Variants in GPHN observed in about 807,000 individuals in gnomAD.
The protein encoded by GPHN is gephyrin.
A neutral mutation model predicts 95.5 loss-of-function variants in GPHN; 17 were observed. That is an observed-to-expected ratio of 0.18 (90% CI 0.12 to 0.27). The LOEUF (loss-of-function observed/expected upper bound fraction) is 0.27, where lower values mean the gene tolerates loss of function less well. Among genes scored for constraint, GPHN ranks in the 10% least tolerant of loss-of-function variants. The pLI, the probability that GPHN is intolerant of heterozygous loss-of-function variation, is 1.00. For missense variants in GPHN, 660 were observed against 978.1 expected (o/e 0.67, Z 4.34); for synonymous variants, 320 against 322.5 (o/e 0.99, Z 0.08).
chr14:66,778,896 C>T (rs975652848), intron 3 of GPHN, among the ~76,000 whole-genome samples: 1 of 151,572 alleles, frequency 6.6e-6, no homozygotes, highest in Non-Finnish European at 1.5e-5. Context: ...ACACCACACC[C>T]AGCTAATTTT....
At position 66,694,725 on chromosome 14, in the gene GPHN, A is replaced by C. The variant is rs757639556; in HGVS notation, c.143+13540A>C. 3.1e-4 allele frequency among the ~76,000 whole-genome samples: 47 copies of C among 152,352 alleles called. 1 individual carries two copies. Among genetic ancestry groups the C allele is most frequent in the Admixed American group, 2.5e-3 (39 of 15,300 alleles). On this transcript the variant is annotated intron_variant, in intron 2 of 22. Transcript: ENST00000478722. The stretch of plus-strand genomic sequence containing the variant: ...ATATTGGTAAGCTGGGCTTCATTAA[A>C]AACTCTGCTCTACAAACACAATGCC...
chr14:67,145,193 T>C (rs574122667), intron 18 of GPHN, among the ~76,000 whole-genome samples: 2 of 152,370 alleles, frequency 1.3e-5, no homozygotes, highest in South Asian at 4.1e-4. Flanking sequence ...TTGTGTCTTG[T>C]TATAATTTCT....
Position 66,785,575 on chromosome 14 carries a change from C to G in GPHN, c.201+9054C>G, listed in dbSNP as rs577759139. Among the ~76,000 whole-genome samples the G allele has an allele frequency of 2.0e-5, 3 of 150,880 alleles. No individual in the cohort carries two copies. In the South Asian group the frequency reaches 6.3e-4, roughly 32 times the overall value. ...ACAGAATGCTCCACCAAAAATTAAA[C>G]AACACACATTTTTTTTCAAGCACAC... On this transcript the variant is annotated intron_variant, in intron 3 of 22. Coordinates refer to ENST00000478722, the MANE Select transcript of GPHN (RefSeq NM_020806.5).
chr14:66,818,630 T>C (rs1280877486), intron 3 of GPHN, among the ~76,000 whole-genome samples: 2 of 152,110 alleles, frequency 1.3e-5, no homozygotes, highest in East Asian at 3.9e-4. Context: ...TAATGGGATT[T>C]CTGGGTCGAA....
At chr14:67,007,534 C>T (rs541684816) in intron 9 of GPHN, among the ~76,000 whole-genome samples, 2 of 152,294 alleles carry the variant, frequency 1.3e-5, no homozygotes, top group South Asian at 4.1e-4. Flanking sequence ...TTCAAGAGTT[C>T]AAAGGGAAAG....
the GPHN span, chr14:67,292,592 T>G: frequency 6.2e-7 from 1 of 1,613,626 alleles, no homozygotes; most frequent in Non-Finnish European, 8.5e-7. Context: ...ATTTCACTGC[T>G]TTTACAACTT....
intron 6 of GPHN, among the ~76,000 whole-genome samples, chr14:66,917,254 C>A (rs538805408): frequency 6.6e-6 from 1 of 152,136 alleles, no homozygotes; most frequent in African/African-American, 2.4e-5. Context: ...GATACTGGCA[C>A]GTTCTTAGAG....
chr14:67,103,888 T>G (rs1202981101), intron 13 of GPHN, among the ~76,000 whole-genome samples: 1 of 152,148 alleles, frequency 6.6e-6, no homozygotes, highest in Non-Finnish European at 1.5e-5. Flanking sequence ...TTGTTCTGGC[T>G]GGGACTTCCA....
chr14:67,011,233 C>A lies in GPHN; in HGVS notation c.964-12400C>A, dbSNP rs142745677. Among the ~76,000 whole-genome samples, 96 of 151,974 alleles carry A rather than the reference C, an allele frequency of 6.3e-4. 2 individuals are homozygous for A. In the East Asian group the frequency reaches 0.018, roughly 29 times the overall value. On this transcript the variant is annotated intron_variant, in intron 9 of 22. Transcript: ENST00000478722. The stretch of plus-strand genomic sequence containing the variant: ...TTTTTAGGAAACTGAACAATTGTGA[C>A]AAAGCTCAAATTTCCTTTGCATAGA...
At chr14:67,438,415 G>C in the GPHN span, among the ~76,000 whole-genome samples, 2 of 152,186 alleles carry the variant, frequency 1.3e-5, no homozygotes, top group Non-Finnish European at 2.9e-5. Context: ...TTTCTTTATG[G>C]GGTTAGAGGT....
rs563855849 is a variant in GPHN, at chr14:66,851,397, G to C, written c.294+26831G>C. ...CCCTCTGTCACCCAGACTGGAGTTA[G>C]AATTACTTTTGTGTTTTACCGAACT... is the stretch of plus-strand genomic sequence containing the variant. On this transcript the variant is annotated intron_variant, in intron 4 of 22. Coordinates refer to ENST00000478722, the MANE Select transcript of GPHN (RefSeq NM_020806.5). Among the ~76,000 whole-genome samples, 14 of 151,964 alleles carry C rather than the reference G, an allele frequency of 9.2e-5. No homozygotes were observed. The East Asian group carries it at 2.7e-3, about 29-fold the overall frequency.
chr14:67,368,062 T>A, the GPHN span, among the ~76,000 whole-genome samples: 13 of 152,252 alleles, frequency 8.5e-5, no homozygotes, highest in African/African-American at 3.1e-4. Flanking sequence ...TTACTACTTA[T>A]ATTGCCTGAG....
the GPHN span, chr14:67,383,504 G>A: frequency 6.3e-7 from 1 of 1,597,240 alleles, no homozygotes; most frequent in Non-Finnish European, 8.5e-7. Flanking sequence ...GTAAATCCTA[G>A]ACTTGAAAGT....
At chr14:66,659,485 T>C (rs2065508660) in intron 1 of GPHN, among the ~76,000 whole-genome samples, 1 of 152,124 alleles carries the variant, frequency 6.6e-6, no homozygotes, top group African/African-American at 2.4e-5. Flanking sequence ...CTTTGTTGAT[T>C]ATATAACTAG....
chr14:66,912,898 G>T (rs143764387), intron 5 of GPHN, among the ~76,000 whole-genome samples: 87 of 152,268 alleles, frequency 5.7e-4, no homozygotes, highest in African/African-American at 2.0e-3. Flanking sequence ...ATGAAGACAG[G>T]ATTACACTAA....
At chr14:66,736,111 A>G (rs1223149943) in intron 2 of GPHN, among the ~76,000 whole-genome samples, 3 of 152,142 alleles carry the variant, frequency 2.0e-5, no homozygotes, top group Non-Finnish European at 2.9e-5. Context: ...AAGATCTACT[A>G]TATTGTGGAT....
At chr14:66,709,779 TATAAG>T (rs2069439654) in intron 2 of GPHN, among the ~76,000 whole-genome samples, 1 of 152,156 alleles carries the variant, frequency 6.6e-6, no homozygotes, top group Non-Finnish European at 1.5e-5. Context: ...CCCTTCCACT[TATAAG>T]ATATACATCC....
At chr14:67,436,651 C>T in the GPHN span, among the ~76,000 whole-genome samples, 43 of 152,328 alleles carry the variant, frequency 2.8e-4, no homozygotes, top group African/African-American at 9.9e-4. Flanking sequence ...CCCAGTCCTT[C>T]CACAAGTTCC....
At chr14:67,136,644 A>G (rs746805449) in intron 17 of GPHN, among the ~76,000 whole-genome samples, 3 of 152,188 alleles carry the variant, frequency 2.0e-5, no homozygotes, top group Non-Finnish European at 4.4e-5. Flanking sequence ...AAATGATACT[A>G]GTTTTTCAGG....
Sources: gnomAD v4.1 joint callset for allele counts (sites outside exome capture counted in the v4.1 genomes callset) on GRCh38, gnomAD v4.1.1 for gene constraint, MANE v1.5 for transcripts, NCBI Gene and HGNC (gene_info 2026-07-23, HGNC 2026-07-21) for gene names.